KCNIP4: variants seen among roughly 807,000 people sequenced by gnomAD.
The protein encoded by KCNIP4 is potassium voltage-gated channel interacting protein 4.
KCNIP4 carries 12 observed loss-of-function variants against 34.0 expected under a neutral mutation model. That is an observed-to-expected ratio of 0.35 (90% CI 0.23 to 0.57). The LOEUF is 0.57. KCNIP4 is among the 20% of genes least tolerant of loss of function. KCNIP4 has a pLI of 0.83. For synonymous variants in KCNIP4, 124 were observed against 102.2 expected (o/e 1.21, Z -1.29); for missense variants, 238 against 311.7 (o/e 0.76, Z 1.78).
intron 1 of KCNIP4, chr4:21,303,728 G>C: frequency 9.0e-7 from 1 of 1,107,820 alleles, no homozygotes; most frequent in South Asian, 1.4e-5. Context: ...TCTCATTTCA[G>C]GTGCCTCTTA....
chr4:20,912,926 G>A (rs1728464043), intron 1 of KCNIP4, among the ~76,000 whole-genome samples: 1 of 152,148 alleles, frequency 6.6e-6, no homozygotes, highest in Admixed American at 6.5e-5. Flanking sequence ...CATTACTGCT[G>A]GTGAGAATGG....
chr4:21,589,752 C>G (rs1197709920), intron 1 of KCNIP4, among the ~76,000 whole-genome samples: 1 of 151,922 alleles, frequency 6.6e-6, no homozygotes, highest in Non-Finnish European at 1.5e-5. Flanking sequence ...ACTGTCCCCC[C>G]TTCTAAGCTG....
intron 1 of KCNIP4, among the ~76,000 whole-genome samples, chr4:21,461,497 G>A (rs1577398129): frequency 6.6e-6 from 1 of 151,684 alleles, no homozygotes; most frequent in African/African-American, 2.4e-5. Flanking sequence ...GTTCATGGCA[G>A]ATTTAAAGTA....
At chr4:21,189,849 A>G (rs1755498768) in intron 1 of KCNIP4, among the ~76,000 whole-genome samples, 1 of 152,218 alleles carries the variant, frequency 6.6e-6, no homozygotes, top group South Asian at 2.1e-4. Context: ...TATTTCTAAA[A>G]TTTGCATTTT....
intron 1 of KCNIP4, among the ~76,000 whole-genome samples, chr4:21,437,553 C>T (rs1173336401): frequency 1.3e-5 from 2 of 152,170 alleles, no homozygotes; most frequent in African/African-American, 4.8e-5. Flanking sequence ...AATCCACTGT[C>T]TCAGGCCCAG....
intron 1 of KCNIP4, among the ~76,000 whole-genome samples, chr4:21,136,444 G>C (rs1751505308): frequency 6.6e-6 from 1 of 152,176 alleles, no homozygotes; most frequent in African/African-American, 2.4e-5. Flanking sequence ...ACTCTTCTGT[G>C]TTTATTAGTT....
chr4:21,574,751 G>A (rs1344782442), intron 1 of KCNIP4, among the ~76,000 whole-genome samples: 1 of 152,138 alleles, frequency 6.6e-6, no homozygotes, highest in African/African-American at 2.4e-5. Flanking sequence ...AGTGAAATCA[G>A]AAAGAAAGTA....
intron 2 of KCNIP4, among the ~76,000 whole-genome samples, chr4:20,863,506 A>G (rs568444493): frequency 2.0e-5 from 3 of 152,238 alleles, no homozygotes; most frequent in Admixed American, 2.0e-4. Flanking sequence ...ATAATTTCCA[A>G]TCTTGTGGCT....
intron 1 of KCNIP4, among the ~76,000 whole-genome samples, chr4:21,459,992 C>A (rs889170075): frequency 4.6e-5 from 7 of 151,822 alleles, no homozygotes; most frequent in Non-Finnish European, 8.8e-5. Context: ...CCTGTGCAAA[C>A]GCAAATTGGA....
intron 1 of KCNIP4, among the ~76,000 whole-genome samples, chr4:21,567,268 A>G (rs935791261): frequency 2.6e-5 from 4 of 151,986 alleles, no homozygotes; most frequent in Non-Finnish European, 5.9e-5. Context: ...ACATTTGTGT[A>G]TATATACACA....
At chr4:20,860,012 C>T (rs781009327) in intron 2 of KCNIP4, among the ~76,000 whole-genome samples, 2 of 152,192 alleles carry the variant, frequency 1.3e-5, no homozygotes, top group South Asian at 4.1e-4. Context: ...TGCCAAAATA[C>T]GGGAAGGATT....
At chr4:20,917,322 C>T (rs1210863116) in intron 1 of KCNIP4, among the ~76,000 whole-genome samples, 2 of 151,916 alleles carry the variant, frequency 1.3e-5, no homozygotes, top group African/African-American at 2.4e-5. Context: ...ACCACCCGCC[C>T]CGGCCATGAT....
At chr4:21,278,387 G>T (rs928753027) in intron 1 of KCNIP4, among the ~76,000 whole-genome samples, 3 of 151,918 alleles carry the variant, frequency 2.0e-5, no homozygotes, top group Admixed American at 6.6e-5. Context: ...AGTGTCTATT[G>T]TTCCCCTCTC....
intron 1 of KCNIP4, among the ~76,000 whole-genome samples, chr4:21,419,538 ATATC>A (rs1725269554): frequency 6.6e-6 from 1 of 152,150 alleles, no homozygotes; most frequent in South Asian, 2.1e-4. Context: ...TAATACAGTA[ATATC>A]TATCTTAAAA....
intron 1 of KCNIP4, among the ~76,000 whole-genome samples, chr4:21,358,089 T>A (rs1275522401): frequency 6.6e-6 from 1 of 152,100 alleles, no homozygotes. Context: ...AAACACCGCC[T>A]GTTCTCACTC....
chr4:21,444,314 T>C (rs1262153191), intron 1 of KCNIP4, among the ~76,000 whole-genome samples: 4 of 152,084 alleles, frequency 2.6e-5, no homozygotes, highest in African/African-American at 4.8e-5. Context: ...CTGGCAGAGA[T>C]ACAACAAAAA....
In KCNIP4 at chr4:20,965,394, A is replaced by C. The variant is rs118127816; in HGVS notation, c.62-82685T>G. Among the ~76,000 whole-genome samples the C allele has an allele frequency of 1.4e-4, 22 of 152,214 alleles. 1 individual carries two copies. The East Asian group carries it at 4.3e-3, about 29-fold the overall frequency. ...CACTGACACCATTTATAATGAAACA[A>C]ATGGGTTTTCTAAGAGGAGGTAACT... On this transcript the variant is annotated intron_variant, in intron 1 of 8. Transcript: ENST00000382152.
intron 1 of KCNIP4, among the ~76,000 whole-genome samples, chr4:21,698,942 C>A (rs1712608545): frequency 6.6e-6 from 1 of 152,140 alleles, no homozygotes; most frequent in Non-Finnish European, 1.5e-5. Flanking sequence ...CCATTCTAAC[C>A]ATTTAAATGG....
intron 1 of KCNIP4, among the ~76,000 whole-genome samples, chr4:21,620,584 C>G (rs903011304): frequency 6.6e-6 from 1 of 152,046 alleles, no homozygotes; most frequent in African/African-American, 2.4e-5. Flanking sequence ...CTAAAACTGT[C>G]CCCAAATCCT....
Sources: gnomAD v4.1 joint callset for allele counts (sites outside exome capture counted in the v4.1 genomes callset) on GRCh38, gnomAD v4.1.1 for gene constraint, MANE v1.5 for transcripts, NCBI Gene and HGNC (gene_info 2026-07-23, HGNC 2026-07-21) for gene names.